Variants in DPY19L2 observed in about 807,000 individuals in gnomAD.
DPY19L2 encodes the protein probable C-mannosyltransferase DPY19L2.
Under a neutral mutation model 97.9 loss-of-function variants are expected in DPY19L2, and 34 were observed. The observed-to-expected ratio is 0.35, with a 90% CI of 0.26 to 0.46. The LOEUF is 0.46. Among genes scored for constraint, DPY19L2 ranks in the 20% least tolerant of loss-of-function variants. The pLI is 1.00. For synonymous variants in DPY19L2, 230 were observed against 307.9 expected, an observed-to-expected ratio of 0.75 and a Z score of 2.65; for missense variants, 623 against 911.4, an observed-to-expected ratio of 0.68 and a Z score of 4.07.
At chr12:63,618,030 C>A (rs1361997644) in intron 10 of DPY19L2, 121 bp downstream of exon 10, 1 of 899,178 alleles carries the variant, frequency 1.1e-6, no homozygotes, top group Non-Finnish European at 1.7e-6. Context: ...CTGGATATCA[C>A]CAATACCATA....
At chr12:63,650,958 CA>C (rs746980611) in intron 4 of DPY19L2, among the ~76,000 whole-genome samples, 1 of 151,984 alleles carries the variant, frequency 6.6e-6, no homozygotes, top group African/African-American at 2.4e-5. Context: ...CAATCCTAAG[CA>C]AAAAGGACAA....
At chr12:63,606,071 A>AAT (rs1382325571) in intron 12 of DPY19L2, among the ~76,000 whole-genome samples, 2 of 152,134 alleles carry the variant, frequency 1.3e-5, no homozygotes, top group Non-Finnish European at 2.9e-5. Flanking sequence ...ATTTTAAAAA[A>AAT]ATATGTTTTC....
At chr12:63,607,320 AT>A (rs1385968860) in intron 12 of DPY19L2, among the ~76,000 whole-genome samples, 4 of 152,014 alleles carry the variant, frequency 2.6e-5, no homozygotes, top group African/African-American at 7.2e-5. Context: ...AAATTGCTCA[AT>A]TTTTCTGAAG....
Position 63,654,541 on chromosome 12 carries a change from G to A in DPY19L2, c.588+6803C>T, listed in dbSNP as rs555130826. On this transcript the variant is annotated intron_variant, in intron 4 of 21. Coordinates refer to ENST00000324472, the MANE Select transcript of DPY19L2 (RefSeq NM_173812.5). ...AAACATAACAATTAAGAGATATATT[G>A]ACAAATGGGATTTAAAAATATTATC... Among the ~76,000 whole-genome samples the A allele has an allele frequency of 7.9e-5, 12 of 152,152 alleles. No individual in the cohort carries two copies. The South Asian group carries it at 8.3e-4, about 11-fold the overall frequency.
Position 63,612,803 on chromosome 12 carries a change from G to A in DPY19L2, c.1219-4128C>T, listed in dbSNP as rs185846668. Among the ~76,000 whole-genome samples the A allele has an allele frequency of 2.0e-5, 3 of 151,334 alleles. No individual in the cohort carries two copies. The East Asian group carries it at 5.8e-4, about 29-fold the overall frequency. On this transcript the variant is annotated intron_variant, in intron 11 of 21. Coordinates refer to ENST00000324472, the MANE Select transcript of DPY19L2 (RefSeq NM_173812.5). ...ACCAGACTGATCAGAAAAAAAAATAGAACACAAACATCTAATACCAGGAAT... is the reference window on the plus strand; with the variant it reads ...ACCAGACTGATCAGAAAAAAAAATAAAACACAAACATCTAATACCAGGAAT...
intron 3 of DPY19L2, among the ~76,000 whole-genome samples, chr12:63,663,036 C>G (rs1317564496): frequency 6.6e-6 from 1 of 152,110 alleles, no homozygotes; most frequent in Admixed American, 6.5e-5. Context: ...GAATCGTACA[C>G]TTAAATGATA....
intron 21 of DPY19L2, among the ~76,000 whole-genome samples, chr12:63,564,701 G>A (rs778630676): frequency 6.6e-6 from 1 of 152,060 alleles, no homozygotes; most frequent in African/African-American, 2.4e-5. Flanking sequence ...CTATTTTGCT[G>A]TTCTAGGGTG....
intron 8 of DPY19L2, among the ~76,000 whole-genome samples, chr12:63,622,811 A>G (rs528656995): frequency 2.6e-5 from 4 of 152,234 alleles, no homozygotes; most frequent in South Asian, 4.2e-4. Flanking sequence ...CTGTAATCCC[A>G]GCTACTTGGG....
intron 21 of DPY19L2, among the ~76,000 whole-genome samples, chr12:63,566,768 G>T (rs2137263049): frequency 6.6e-6 from 1 of 152,098 alleles, no homozygotes; most frequent in Middle Eastern, 3.4e-3. Flanking sequence ...ACAGAATTTT[G>T]TATGAACACA....
At chr12:63,594,518 TTGTGTGTG>T (rs796987462) in intron 15 of DPY19L2, among the ~76,000 whole-genome samples, 2 of 100,620 alleles carry the variant, frequency 2.0e-5, no homozygotes, top group African/African-American at 8.0e-5. Flanking sequence ...CTACAGGGAT[TTGTGTGTG>T]TGTGTGTATG....
chr12:63,584,232 G>A (rs1881408561), intron 16 of DPY19L2: 1 of 155,144 alleles, frequency 6.4e-6, no homozygotes, highest in African/African-American at 2.4e-5. Flanking sequence ...AAATAACATG[G>A]ACACTCATGC....
chr12:63,586,747 CGTT>C (rs891529563), intron 16 of DPY19L2, among the ~76,000 whole-genome samples: 4 of 152,198 alleles, frequency 2.6e-5, no homozygotes, highest in Admixed American at 1.3e-4. Flanking sequence ...TAGCTACTAT[CGTT>C]GGTGGTAACA....
At chr12:63,583,441 T>G (rs1250257755) in intron 17 of DPY19L2, among the ~76,000 whole-genome samples, 1 of 152,204 alleles carries the variant, frequency 6.6e-6, no homozygotes, top group East Asian at 1.9e-4. Flanking sequence ...CTTCTGAGCT[T>G]GTCACTGACT....
At chr12:63,588,747 T>C (rs1265370934) in intron 16 of DPY19L2, among the ~76,000 whole-genome samples, 1 of 94,348 alleles carries the variant, frequency 1.1e-5, no homozygotes, top group Non-Finnish European at 2.0e-5. Flanking sequence ...GAAACTTTCT[T>C]TTTTTTTTTT....
intron 6 of DPY19L2, among the ~76,000 whole-genome samples, chr12:63,643,917 T>C (rs996327486): frequency 1.3e-5 from 2 of 152,144 alleles, no homozygotes; most frequent in African/African-American, 2.4e-5. Flanking sequence ...CACACGACCG[T>C]TGAAATTAAT....
intron 7 of DPY19L2, 90 bp downstream of exon 7, chr12:63,626,379 T>C (rs1889534789): frequency 7.4e-7 from 1 of 1,347,878 alleles, no homozygotes; most frequent in Non-Finnish European, 1.0e-6. Flanking sequence ...TCATAAGTAG[T>C]ATACAATTAA....
intron 3 of DPY19L2, among the ~76,000 whole-genome samples, chr12:63,663,394 G>A (rs898537736): frequency 5.3e-5 from 8 of 151,966 alleles, no homozygotes; most frequent in Non-Finnish European, 8.8e-5. Flanking sequence ...AATAATAATC[G>A]TCATCATTAA....
At chr12:63,619,522 T>G (rs2137781840) in intron 9 of DPY19L2, among the ~76,000 whole-genome samples, 1 of 152,166 alleles carries the variant, frequency 6.6e-6, no homozygotes, top group East Asian at 1.9e-4. Flanking sequence ...ACTTCTTTTT[T>G]TTTTTTTGAA....
chr12:63,632,751 C>T (rs575982756), intron 6 of DPY19L2, among the ~76,000 whole-genome samples: 99 of 151,934 alleles, frequency 6.5e-4, no homozygotes, highest in African/African-American at 1.7e-3. Flanking sequence ...GAGCCCGCAT[C>T]GCCAAGACAA....
Sources: allele counts gnomAD v4.1 joint callset (sites outside exome capture counted in the v4.1 genomes callset), GRCh38; gene constraint gnomAD v4.1.1; transcripts MANE v1.5; gene names NCBI Gene and HGNC (gene_info 2026-07-23, HGNC 2026-07-21).